The following EFCAB13 variants were observed in gnomAD, a reference collection of about 807,000 sequenced individuals.
The protein encoded by EFCAB13 is EF-hand calcium binding domain 13, also known as EF-hand calcium-binding domain-containing protein 13.
EFCAB13 carries 91 observed loss-of-function variants against 110.2 expected under a neutral mutation model. The observed-to-expected ratio is 0.83, with a 90% CI of 0.70 to 0.98. EFCAB13 has a LOEUF of 0.98. Among genes scored for constraint, EFCAB13 ranks in the 50% least tolerant of loss-of-function variants. The pLI is 0.00. For synonymous variants in EFCAB13, 323 were observed against 369.9 expected (o/e 0.87, Z 1.45); for missense variants, 968 against 1,119.4 (o/e 0.86, Z 1.93).
chr17:47,338,631 C>A (rs189768235), intron 5 of EFCAB13, among the ~76,000 whole-genome samples: 189 of 152,068 alleles, frequency 1.2e-3, no homozygotes, highest in African/African-American at 4.2e-3. Flanking sequence ...CCTCTCTCTC[C>A]CTTGCTTTCT....
At chr17:47,370,803 G>A (rs1026129611) in intron 11 of EFCAB13, among the ~76,000 whole-genome samples, 4 of 146,332 alleles carry the variant, frequency 2.7e-5, no homozygotes, top group Admixed American at 1.4e-4. Context: ...GTGCAGTGGT[G>A]CGATCTTGGC....
intron 15 of EFCAB13, among the ~76,000 whole-genome samples, chr17:47,391,797 TTTTA>T (rs1357252786): frequency 2.6e-5 from 4 of 151,892 alleles, no homozygotes; most frequent in African/African-American, 9.7e-5. Flanking sequence ...TAAAAAAAAA[TTTTA>T]TTTATTTATT....
Position 47,379,262 on chromosome 17 carries a change from G to A in EFCAB13, c.1582+9G>A. 1.2e-6 allele frequency: 2 copies of A among 1,609,602 alleles called. No individual in the cohort carries two copies. Among genetic ancestry groups the A allele is most frequent in the Non-Finnish European group, 1.7e-6 (2 of 1,176,276 alleles). On this transcript the variant is annotated intron_variant, in intron 14 of 24. Transcript: ENST00000331493. Reference sequence around the variant, plus strand: ...TTTTCCTGAATGCAATGGTAGGTAGGAAATTTGTTTTAAAATGATTTAGAG... The same window carrying A: ...TTTTCCTGAATGCAATGGTAGGTAGAAAATTTGTTTTAAAATGATTTAGAG...
Position 47,342,013 on chromosome 17 carries a change from A to C in EFCAB13, c.284A>C (p.Gln95Pro). 2.5e-6 allele frequency: 4 copies of C among 1,585,270 alleles called. No homozygotes were observed. Among genetic ancestry groups the C allele is most frequent in the Non-Finnish European group, 3.4e-6 (4 of 1,166,634 alleles). The change falls in exon 6 of 25, where the codon CAG becomes CCG. Residue 95 changes from glutamine to proline, a missense_variant. Coordinates refer to ENST00000331493, the MANE Select transcript of EFCAB13 (RefSeq NM_152347.5). The stretch of plus-strand genomic sequence containing the variant: ...GGGAGAAAGAGTTTACAAGTACAAC[A>C]GCACAGTAAAAGAACTGAGGTAAAT... ...KVGRKSLQVQ[Q>P]HSKRTEIIPP...
At chr17:47,409,724 CAAT>C (rs2065823930) in intron 21 of EFCAB13, 33 bp downstream of exon 21, 4 of 1,493,360 alleles carry the variant, frequency 2.7e-6, no homozygotes, top group Non-Finnish European at 3.7e-6. Context: ...AGAAAATTTT[CAAT>C]AATAAGAGAT....
chr17:47,370,399 C>A, intron 10 of EFCAB13, 38 bp from the exon 11 acceptor site: 2 of 1,372,420 alleles, frequency 1.5e-6, no homozygotes, highest in South Asian at 2.4e-5. Flanking sequence ...TATCTATGTT[C>A]AAAAGTAAAT....
At chr17:47,393,471 C>T (rs1405729897) in intron 15 of EFCAB13, among the ~76,000 whole-genome samples, 1 of 152,088 alleles carries the variant, frequency 6.6e-6, no homozygotes, top group Non-Finnish European at 1.5e-5. Context: ...AGAAAGAAAG[C>T]AGCATGATAT....
intron 10 of EFCAB13, among the ~76,000 whole-genome samples, chr17:47,361,928 G>T (rs953148306): frequency 1.3e-5 from 2 of 152,062 alleles, no homozygotes; most frequent in African/African-American, 4.8e-5. Flanking sequence ...ATGCCCTTCA[G>T]TTGCTCTCTG....
chr17:47,413,800 A>G (rs555059258), intron 22 of EFCAB13, among the ~76,000 whole-genome samples: 1 of 152,238 alleles, frequency 6.6e-6, no homozygotes, highest in East Asian at 1.9e-4. Flanking sequence ...GTCAATAAAT[A>G]TAGTATTTTA....
intron 21 of EFCAB13, among the ~76,000 whole-genome samples, chr17:47,410,662 G>C (rs1206459347): frequency 5.9e-5 from 9 of 152,150 alleles, no homozygotes; most frequent in Admixed American, 5.9e-4. Flanking sequence ...AAGTTAGCAA[G>C]TTACATGCTT....
chr17:47,380,292 C>T (rs2065639738), intron 14 of EFCAB13, among the ~76,000 whole-genome samples: 1 of 151,972 alleles, frequency 6.6e-6, no homozygotes, highest in Admixed American at 6.6e-5. Context: ...CATGTGTTCT[C>T]ATTGTTCAAC....
intron 2 of EFCAB13, among the ~76,000 whole-genome samples, chr17:47,325,921 AAAATATATATAT>A (rs1381252293): frequency 1.8e-4 from 11 of 62,452 alleles, no homozygotes; most frequent in African/African-American, 7.0e-4. Context: ...ATATATAAAC[AAAATATATATAT>A]ATATATATAT....
chr17:47,361,334 G>A (rs2065511383), intron 9 of EFCAB13, 44 bp from the exon 10 acceptor site: 1 of 1,596,196 alleles, frequency 6.3e-7, no homozygotes, highest in Non-Finnish European at 8.6e-7. Flanking sequence ...GCTTTTCCAA[G>A]AAAAGCTGTT....
In EFCAB13 at chr17:47,402,194, A is replaced by G. The variant is rs770866258; in HGVS notation, c.2008A>G (p.Arg670Gly). Residue 670 changes from arginine to glycine, a missense_variant, in exon 18 of 25, where the codon AGG (arginine) becomes GGG (glycine). By Grantham distance (125) the Arg-to-Gly change is moderately radical. Coordinates refer to ENST00000331493, the MANE Select transcript of EFCAB13 (RefSeq NM_152347.5). ...AGTAAGGAATATGCGTGATGCTGCCAGGTTAGAAGGTAAGTACTGAATTAT... is the reference window on the plus strand; with the variant it reads ...AGTAAGGAATATGCGTGATGCTGCCGGGTTAGAAGGTAAGTACTGAATTAT... ...KVVRNMRDAA[R>G]LEELQEVVLA... 11 of 1,613,126 alleles carry G rather than the reference A, an allele frequency of 6.8e-6. No homozygotes were observed. The African/African-American group carries it at 1.3e-4, about 20-fold the overall frequency.
chr17:47,425,131 C>T (rs1001053632), intron 23 of EFCAB13, among the ~76,000 whole-genome samples: 1 of 151,582 alleles, frequency 6.6e-6, no homozygotes, highest in African/African-American at 2.4e-5. Context: ...ATCCGCCCGC[C>T]TCGGCCTCCC....
At chr17:47,366,807 A>G (rs1173333094) in intron 10 of EFCAB13, among the ~76,000 whole-genome samples, 1 of 152,190 alleles carries the variant, frequency 6.6e-6, no homozygotes, top group Admixed American at 6.5e-5. Context: ...GCATAGATGC[A>G]AGGAATAAAT....
intron 23 of EFCAB13, among the ~76,000 whole-genome samples, chr17:47,419,529 G>C (rs946152796): frequency 1.3e-5 from 2 of 152,142 alleles, no homozygotes; most frequent in African/African-American, 4.8e-5. Flanking sequence ...AGTGAGCTGT[G>C]ATCACGCTGC....
chr17:47,398,130 CT>C (rs1237102422), intron 17 of EFCAB13, among the ~76,000 whole-genome samples: 224 of 148,926 alleles, frequency 1.5e-3, no homozygotes, highest in Middle Eastern at 0.011. Context: ...CAGCCCCCCC[CT>C]GGCCAGCCAC....
At chr17:47,346,414 T>C (rs1367046721) in intron 8 of EFCAB13, among the ~76,000 whole-genome samples, 2 of 148,340 alleles carry the variant, frequency 1.3e-5, no homozygotes, top group African/African-American at 5.0e-5. Context: ...TATTCTGTCA[T>C]ATGTATATAA....
Sources: gnomAD v4.1 joint callset for allele counts (sites outside exome capture counted in the v4.1 genomes callset) on GRCh38, gnomAD v4.1.1 for gene constraint, MANE v1.5 for transcripts, NCBI Gene and HGNC (gene_info 2026-07-23, HGNC 2026-07-21) for gene names.